CNTN1: variants seen among roughly 807,000 people sequenced by gnomAD.
CNTN1 encodes the protein contactin-1.
In CNTN1, 38 loss-of-function variants were observed where a neutral mutation model predicts 126.4. The observed-to-expected ratio is 0.30, with a 90% CI of 0.23 to 0.39. The LOEUF (loss-of-function observed/expected upper bound fraction) is 0.39, where lower values mean the gene tolerates loss of function less well. CNTN1 is among the 10% of genes least tolerant of loss of function. The pLI is 1.00. For synonymous variants in CNTN1, 413 were observed against 422.6 expected, an observed-to-expected ratio of 0.98 and a Z score of 0.28; for missense variants, 1,009 against 1,248.4, an observed-to-expected ratio of 0.81 and a Z score of 2.89.
At chr12:40,910,282 G>A (rs1944979707) in intron 3 of CNTN1, among the ~76,000 whole-genome samples, 177 bp downstream of exon 3, 2 of 152,236 alleles carry the variant, frequency 1.3e-5, no homozygotes, top group South Asian at 2.1e-4. Flanking sequence ...TTGAATGAGT[G>A]GATACATCAT....
At chr12:40,737,359 G>GTGTATATA (rs1304140380) in intron 1 of CNTN1, among the ~76,000 whole-genome samples, 17 of 113,246 alleles carry the variant, frequency 1.5e-4, no homozygotes, top group African/African-American at 5.0e-4. Flanking sequence ...ATGTGTGTGT[G>GTGTATATA]TATATATATA....
At chr12:40,743,131 G>A (rs1412898124) in intron 1 of CNTN1, among the ~76,000 whole-genome samples, 1 of 152,000 alleles carries the variant, frequency 6.6e-6, no homozygotes, top group Non-Finnish European at 1.5e-5. Flanking sequence ...GAGAATAATT[G>A]GGACAGTTTT....
chr12:40,788,157 T>A (rs1394570585), intron 1 of CNTN1, among the ~76,000 whole-genome samples: 1 of 152,162 alleles, frequency 6.6e-6, no homozygotes, highest in Non-Finnish European at 1.5e-5. Context: ...AGAGAATTGC[T>A]CCATCTAATG....
intron 15 of CNTN1, among the ~76,000 whole-genome samples, chr12:40,976,265 C>CA (rs1947667021): frequency 6.6e-6 from 1 of 152,012 alleles, no homozygotes; most frequent in Admixed American, 6.6e-5. Flanking sequence ...AAAAGAAAAA[C>CA]AGAAGACAAA....
intron 1 of CNTN1, among the ~76,000 whole-genome samples, chr12:40,865,089 G>A (rs1381197579): frequency 6.6e-6 from 1 of 152,096 alleles, no homozygotes; most frequent in Non-Finnish European, 1.5e-5. Flanking sequence ...AATGAGTAAT[G>A]ATAGCAATGA....
intron 1 of CNTN1, among the ~76,000 whole-genome samples, chr12:40,753,115 GCA>G (rs1168544572): frequency 3.3e-5 from 5 of 152,218 alleles, no homozygotes; most frequent in Admixed American, 6.6e-5. Flanking sequence ...GCAGGGGCCT[GCA>G]ACCATGTGAA....
intron 1 of CNTN1, among the ~76,000 whole-genome samples, chr12:40,837,207 C>T (rs1942093492): frequency 6.6e-6 from 1 of 152,154 alleles, no homozygotes; most frequent in African/African-American, 2.4e-5. Flanking sequence ...CCACCTCCTC[C>T]ATTTTAAAAA....
intron 15 of CNTN1, among the ~76,000 whole-genome samples, chr12:40,975,217 T>C (rs1252525609): frequency 1.7e-5 from 2 of 120,610 alleles, no homozygotes; most frequent in South Asian, 2.6e-4. Context: ...TATATATATA[T>C]ATATATGTTT....
chr12:40,968,477 A>C (rs1947383354), intron 15 of CNTN1, among the ~76,000 whole-genome samples: 1 of 152,136 alleles, frequency 6.6e-6, no homozygotes, highest in Non-Finnish European at 1.5e-5. Flanking sequence ...AGATGGCTTG[A>C]AAGCTTGATT....
At chr12:41,019,713 T>C (rs1948863076) in intron 19 of CNTN1, among the ~76,000 whole-genome samples, 1 of 152,180 alleles carries the variant, frequency 6.6e-6, no homozygotes, top group East Asian at 1.9e-4. Context: ...AAAGCTTTCT[T>C]GAGCCCAGGA....
intron 1 of CNTN1, among the ~76,000 whole-genome samples, chr12:40,730,627 A>G (rs755617232): frequency 2.0e-5 from 3 of 152,172 alleles, no homozygotes; most frequent in Non-Finnish European, 2.9e-5. Context: ...CAGATCCTAA[A>G]GTCATTGTCA....
intron 1 of CNTN1, among the ~76,000 whole-genome samples, chr12:40,854,920 A>C (rs1942846803): frequency 6.6e-6 from 1 of 152,106 alleles, no homozygotes; most frequent in Non-Finnish European, 1.5e-5. Context: ...CCTGTAGTTC[A>C]GTACTCGGAG....
At chr12:40,775,474 G>A (rs753535624) in intron 1 of CNTN1, among the ~76,000 whole-genome samples, 18 of 151,252 alleles carry the variant, frequency 1.2e-4, no homozygotes, top group Non-Finnish European at 2.1e-4. Context: ...CTAAATAAAT[G>A]TCTCTTTGAT....
At chr12:40,843,763 CTGGT>C (rs1942380946) in intron 1 of CNTN1, among the ~76,000 whole-genome samples, 1 of 152,116 alleles carries the variant, frequency 6.6e-6, no homozygotes, top group Non-Finnish European at 1.5e-5. Context: ...AAGAATATGT[CTGGT>C]TGGGCCTGGT....
chr12:40,803,362 T>C (rs1940725429), intron 1 of CNTN1, among the ~76,000 whole-genome samples: 1 of 152,022 alleles, frequency 6.6e-6, no homozygotes, highest in South Asian at 2.1e-4. Context: ...CCCTGTAAAC[T>C]TTTTGAAGAG....
chr12:41,004,181 G>T (rs1025928205), intron 17 of CNTN1, among the ~76,000 whole-genome samples: 5 of 151,978 alleles, frequency 3.3e-5, no homozygotes, highest in African/African-American at 1.2e-4. Context: ...CTCGATTTCT[G>T]CTTTAATTTT....
In CNTN1 at chr12:41,039,777, A is replaced by G. The variant is rs752842501; in HGVS notation, c.2980+10558A>G. Among the ~76,000 whole-genome samples the G allele has an allele frequency of 3.9e-5, 6 of 152,116 alleles. No homozygotes were observed. The East Asian group carries it at 9.6e-4, about 24-fold the overall frequency. ...TCTTGGTGTTGCCCAAAGTTGGCAA[A>G]TGGCATGGTTAATATAAGTGGAGAT... On this transcript the variant is annotated intron_variant, in intron 23 of 23. Coordinates refer to ENST00000551295, the MANE Select transcript of CNTN1 (RefSeq NM_001843.4).
At chr12:40,741,973 T>C (rs80346885) in intron 1 of CNTN1, among the ~76,000 whole-genome samples, 12,913 of 152,018 alleles carry the variant, frequency 0.085, 748 homozygotes, top group Non-Finnish European at 0.13. Flanking sequence ...CTCTTTACTG[T>C]AGGGGGAAAA....
intron 1 of CNTN1, among the ~76,000 whole-genome samples, chr12:40,779,391 C>T (rs1939707694): frequency 6.6e-6 from 1 of 151,748 alleles, no homozygotes; most frequent in African/African-American, 2.4e-5. Flanking sequence ...AATAATTCTA[C>T]CAAGGACACT....
Sources: allele counts gnomAD v4.1 joint callset (sites outside exome capture counted in the v4.1 genomes callset), GRCh38; gene constraint gnomAD v4.1.1; transcripts MANE v1.5; gene names NCBI Gene and HGNC (gene_info 2026-07-23, HGNC 2026-07-21).